The following CACNG2 variants were observed in gnomAD, a reference collection of about 807,000 sequenced individuals.
The protein encoded by CACNG2 is calcium voltage-gated channel auxiliary subunit gamma 2, also known as voltage-dependent calcium channel gamma-2 subunit.
In CACNG2, 3 loss-of-function variants were observed where a neutral mutation model predicts 25.9. That is an observed-to-expected ratio of 0.12 (90% CI 0.05 to 0.30). The LOEUF is 0.30. CACNG2 is among the 10% of genes least tolerant of loss of function. The pLI is 1.00. For missense variants in CACNG2, 341 were observed against 432.5 expected, an observed-to-expected ratio of 0.79 and a Z score of 1.88; for synonymous variants, 167 against 173.3, an observed-to-expected ratio of 0.96 and a Z score of 0.29.
At chr22:36,702,341 G>A in intron 1 of CACNG2, 25 bp downstream of exon 1, 2 of 1,530,474 alleles carry the variant, frequency 1.3e-6, no homozygotes, top group Non-Finnish European at 1.8e-6. Flanking sequence ...GGTGGAGAGG[G>A]GGGAGGAGAT....
intron 1 of CACNG2, among the ~76,000 whole-genome samples, chr22:36,685,457 C>T (rs1029452079): frequency 2.0e-5 from 3 of 151,862 alleles, no homozygotes; most frequent in African/African-American, 4.9e-5. Context: ...TCTGCAAAGC[C>T]GCTGACTTAG....
chr22:36,605,324 C>T (rs1231931071), intron 1 of CACNG2, among the ~76,000 whole-genome samples: 3 of 152,316 alleles, frequency 2.0e-5, no homozygotes, highest in South Asian at 2.1e-4. Context: ...ATTCACCCAC[C>T]TTGGCCTCCC....
At chr22:36,612,568 T>C (rs1935959350) in intron 1 of CACNG2, among the ~76,000 whole-genome samples, 1 of 152,178 alleles carries the variant, frequency 6.6e-6, no homozygotes, top group African/African-American at 2.4e-5. Context: ...TCTCATAACT[T>C]CTTGGAGGAG....
At chr22:36,608,777 A>G (rs1300717510) in intron 1 of CACNG2, among the ~76,000 whole-genome samples, 1 of 151,846 alleles carries the variant, frequency 6.6e-6, no homozygotes, top group Non-Finnish European at 1.5e-5. Context: ...TCCTTACTGT[A>G]AACTGGAATA....
At chr22:36,644,045 C>A (rs7287114) in intron 1 of CACNG2, among the ~76,000 whole-genome samples, 2 of 152,000 alleles carry the variant, frequency 1.3e-5, no homozygotes, top group Admixed American at 6.6e-5. Context: ...AATGGTCCCT[C>A]GGTGAAAGCT....
At chr22:36,675,530 C>T (rs1412543514) in intron 1 of CACNG2, among the ~76,000 whole-genome samples, 3 of 152,240 alleles carry the variant, frequency 2.0e-5, no homozygotes, top group Admixed American at 2.0e-4. Flanking sequence ...GGGAGCACTT[C>T]CAAGATGGCA....
chr22:36,632,469 CCT>C (rs131827), intron 1 of CACNG2, among the ~76,000 whole-genome samples: 82,225 of 145,424 alleles, frequency 0.57, 24,807 homozygotes, highest in East Asian at 0.76. Context: ...TCTCTCCTCT[CCT>C]CTCTCTCTCT....
At chr22:36,668,526 T>C (rs929954196) in intron 1 of CACNG2, among the ~76,000 whole-genome samples, 3 of 151,954 alleles carry the variant, frequency 2.0e-5, no homozygotes, top group Non-Finnish European at 4.4e-5. Flanking sequence ...TCTTGCTCTG[T>C]TGCCCAGGCT....
chr22:36,565,156 G>A (rs1935105163), intron 3 of CACNG2, among the ~76,000 whole-genome samples: 1 of 152,244 alleles, frequency 6.6e-6, no homozygotes, highest in Non-Finnish European at 1.5e-5. Context: ...ACAAGGCGCT[G>A]AGTAACTAAT....
At chr22:36,649,148 C>T (rs1041719720) in intron 1 of CACNG2, among the ~76,000 whole-genome samples, 1 of 152,146 alleles carries the variant, frequency 6.6e-6, no homozygotes, top group Non-Finnish European at 1.5e-5. Context: ...ACATGTCCTC[C>T]GCGGAGCTCC....
intron 1 of CACNG2, among the ~76,000 whole-genome samples, chr22:36,672,925 G>A (rs565765443): frequency 7.2e-5 from 11 of 152,198 alleles, no homozygotes; most frequent in Admixed American, 3.9e-4. Flanking sequence ...TGGGACTTGC[G>A]TAGTTATGTG....
At chr22:36,620,620 T>A (rs912752490) in intron 1 of CACNG2, among the ~76,000 whole-genome samples, 1 of 152,246 alleles carries the variant, frequency 6.6e-6, no homozygotes, top group Non-Finnish European at 1.5e-5. Flanking sequence ...GCCAAGTTAC[T>A]TAATTTCTCC....
At chr22:36,690,762 C>T (rs1601458846) in intron 1 of CACNG2, among the ~76,000 whole-genome samples, 2 of 152,176 alleles carry the variant, frequency 1.3e-5, no homozygotes, top group South Asian at 4.1e-4. Context: ...AAGAATGCAT[C>T]CTGATGATGA....
rs548066034 is a variant in CACNG2, at chr22:36,586,125, C to T, written c.295+1340G>A. Among the ~76,000 whole-genome samples, 3 of 152,234 alleles carry T rather than the reference C, an allele frequency of 2.0e-5. No individual in the cohort carries two copies. In the East Asian group the frequency reaches 5.8e-4, roughly 29 times the overall value. ...CCTCACCTCTGCCATGCTGTGTCTC[C>T]CAAGTTGAGCTGTTTTTCCAAGGGC... On this transcript the variant is annotated intron_variant, in intron 2 of 3. Transcript: ENST00000300105.
intron 1 of CACNG2, among the ~76,000 whole-genome samples, chr22:36,594,866 G>T (rs959876569): frequency 6.6e-6 from 1 of 150,772 alleles, no homozygotes; most frequent in Non-Finnish European, 1.5e-5. Context: ...GTGTGCATGG[G>T]TGTTTGTGTG....
intron 2 of CACNG2, among the ~76,000 whole-genome samples, chr22:36,567,212 G>A (rs766540389): frequency 2.6e-4 from 40 of 152,186 alleles, no homozygotes; most frequent in Non-Finnish European, 5.4e-4. Flanking sequence ...AGTTGATTCA[G>A]GCAATGCACT....
At chr22:36,635,678 C>G (rs79544922) in intron 1 of CACNG2, among the ~76,000 whole-genome samples, 1,630 of 152,108 alleles carry the variant, frequency 0.011, 16 homozygotes, top group Non-Finnish European at 0.013. Context: ...GGGAGTTTCC[C>G]GTATCTCCAA....
intron 2 of CACNG2, among the ~76,000 whole-genome samples, chr22:36,580,878 C>A (rs1158546292): frequency 6.6e-6 from 1 of 152,118 alleles, no homozygotes; most frequent in Non-Finnish European, 1.5e-5. Context: ...CACAGGGACC[C>A]ACATACACAC....
chr22:36,603,618 G>A (rs1935787176), intron 1 of CACNG2, among the ~76,000 whole-genome samples: 1 of 152,136 alleles, frequency 6.6e-6, no homozygotes, highest in Admixed American at 6.6e-5. Flanking sequence ...TTGAGGCCAA[G>A]GTTCATTTAC....
Sources: gnomAD v4.1 joint callset for allele counts (sites outside exome capture counted in the v4.1 genomes callset) on GRCh38, gnomAD v4.1.1 for gene constraint, MANE v1.5 for transcripts, NCBI Gene and HGNC (gene_info 2026-07-23, HGNC 2026-07-21) for gene names.